The following GRID2 variants were observed in gnomAD, a reference collection of about 807,000 sequenced individuals.
GRID2 encodes glutamate ionotropic receptor delta type subunit 2, also known as glutamate receptor ionotropic, delta-2.
A neutral mutation model predicts 114.8 loss-of-function variants in GRID2; 33 were observed. The observed-to-expected ratio is 0.29, with a 90% CI of 0.22 to 0.38. GRID2 has a LOEUF of 0.38. Ranked by LOEUF, GRID2 falls within the 10% of genes least tolerant of loss-of-function variation. GRID2 has a pLI of 1.00. For synonymous variants in GRID2, 505 were observed against 449.9 expected, an observed-to-expected ratio of 1.12 and a Z score of -1.55; for missense variants, 1,184 against 1,257.7, an observed-to-expected ratio of 0.94 and a Z score of 0.89.
At chr4:93,337,586 T>C (rs750323386) in intron 8 of GRID2, among the ~76,000 whole-genome samples, 1 of 152,178 alleles carries the variant, frequency 6.6e-6, no homozygotes, top group Non-Finnish European at 1.5e-5. Flanking sequence ...AAACCTGTTC[T>C]TTGCTTTGAA....
intron 2 of GRID2, among the ~76,000 whole-genome samples, chr4:93,035,823 T>C (rs1724884533): frequency 6.6e-6 from 1 of 152,194 alleles, no homozygotes; most frequent in Non-Finnish European, 1.5e-5. Context: ...AAGCATGGAC[T>C]CTTTAACCTA....
At chr4:92,664,955 T>C (rs2149271651) in intron 2 of GRID2, among the ~76,000 whole-genome samples, 1 of 150,996 alleles carries the variant, frequency 6.6e-6, no homozygotes, top group African/African-American at 2.4e-5. Context: ...CAGCATATTG[T>C]TGGTTGATTT....
intron 1 of GRID2, among the ~76,000 whole-genome samples, chr4:92,316,192 T>C (rs941123394): frequency 7.9e-5 from 12 of 151,856 alleles, no homozygotes; most frequent in South Asian, 4.2e-4. Context: ...GCTGCTTCTG[T>C]GAATGGAAAT....
intron 13 of GRID2, among the ~76,000 whole-genome samples, chr4:93,589,041 T>TA (rs1469980514): frequency 6.7e-6 from 1 of 148,508 alleles, no homozygotes; most frequent in Non-Finnish European, 1.5e-5. Flanking sequence ...CTTTTTTTTT[T>TA]ATTATTTATT....
chr4:93,286,689 G>A (rs1561086916), intron 8 of GRID2, among the ~76,000 whole-genome samples: 1 of 145,036 alleles, frequency 6.9e-6, no homozygotes, highest in Admixed American at 6.7e-5. Context: ...GTGTGTGTGT[G>A]TGGGGGTGTG....
chr4:93,432,511 GA>G (rs1449829832), intron 10 of GRID2, among the ~76,000 whole-genome samples: 1 of 152,114 alleles, frequency 6.6e-6, no homozygotes, highest in Non-Finnish European at 1.5e-5. Context: ...ACTGAAATAC[GA>G]AAGTTCTAGA....
chr4:93,348,542 A>C (rs1306281397), intron 8 of GRID2, among the ~76,000 whole-genome samples: 1 of 152,152 alleles, frequency 6.6e-6, no homozygotes, highest in Non-Finnish European at 1.5e-5. Flanking sequence ...CATGGCCTTC[A>C]CCTATGCTTT....
intron 1 of GRID2, among the ~76,000 whole-genome samples, chr4:92,379,449 C>G (rs1729511411): frequency 6.6e-6 from 1 of 151,944 alleles, no homozygotes; most frequent in Non-Finnish European, 1.5e-5. Context: ...GTACTTTCAG[C>G]TGTTGTACAT....
At chr4:92,673,628 C>T (rs1044763325) in intron 2 of GRID2, among the ~76,000 whole-genome samples, 1 of 152,138 alleles carries the variant, frequency 6.6e-6, no homozygotes, top group Non-Finnish European at 1.5e-5. Flanking sequence ...ATTTTCCCTG[C>T]ATATGAAATT....
At position 93,769,343 on chromosome 4, in the gene GRID2, G is replaced by T; in HGVS notation, c.2494G>T (p.Ala832Ser). The T allele has an allele frequency of 1.9e-6, 3 of 1,614,044 alleles. No homozygotes were observed. Among genetic ancestry groups the T allele is most frequent in the Non-Finnish European group, 2.5e-6 (3 of 1,179,978 alleles). Reference protein sequence around the residue: ...KGGALDIKSFAGVFCILAAGI... With the variant: ...KGGALDIKSFSGVFCILAAGI... ...AGGCGCCCTGGACATAAAGAGCTTTGCAGGGGTCTTTTGTATCCTGGCTGC... is the reference window on the plus strand; with the variant it reads ...AGGCGCCCTGGACATAAAGAGCTTTTCAGGGGTCTTTTGTATCCTGGCTGC... Residue 832 changes from alanine to serine, a missense_variant, in exon 15 of 16, where the codon GCA (alanine) becomes TCA (serine). Transcript: ENST00000282020.
chr4:93,513,532 T>G (rs192452852), intron 12 of GRID2, among the ~76,000 whole-genome samples: 2 of 152,320 alleles, frequency 1.3e-5, no homozygotes, highest in East Asian at 3.9e-4. Context: ...ATTATTCATT[T>G]ACATTATAGC....
At chr4:92,885,116 A>C (rs916737734) in intron 2 of GRID2, 2 of 314,836 alleles carry the variant, frequency 6.4e-6, no homozygotes, top group Admixed American at 4.6e-5. Flanking sequence ...AATTTAAGTA[A>C]GTTAAACTTG....
At chr4:92,798,230 T>G (rs1739985215) in intron 2 of GRID2, among the ~76,000 whole-genome samples, 1 of 152,052 alleles carries the variant, frequency 6.6e-6, no homozygotes, top group Non-Finnish European at 1.5e-5. Flanking sequence ...AGTCATATTT[T>G]GTAAGACCTT....
chr4:93,473,020 A>C (rs976700337), intron 11 of GRID2, among the ~76,000 whole-genome samples: 3 of 152,218 alleles, frequency 2.0e-5, no homozygotes, highest in Non-Finnish European at 2.9e-5. Flanking sequence ...ATATGTATGC[A>C]ACAGTAGTTT....
intron 10 of GRID2, among the ~76,000 whole-genome samples, chr4:93,454,560 A>G (rs766506790): frequency 6.6e-6 from 1 of 152,064 alleles, no homozygotes; most frequent in Non-Finnish European, 1.5e-5. Flanking sequence ...AACTCGGTAC[A>G]CACAGACATA....
At chr4:93,181,880 A>G (rs1003563794) in intron 4 of GRID2, among the ~76,000 whole-genome samples, 5 of 152,242 alleles carry the variant, frequency 3.3e-5, no homozygotes, top group African/African-American at 1.2e-4. Flanking sequence ...AATATAGTGT[A>G]ACAAACCCTA....
chr4:92,794,876 A>ATT (rs1739778651), intron 2 of GRID2, among the ~76,000 whole-genome samples: 2 of 105,376 alleles, frequency 1.9e-5, no homozygotes, highest in Non-Finnish European at 4.1e-5. Context: ...TAATTGTTTT[A>ATT]TATATATATA....
intron 1 of GRID2, among the ~76,000 whole-genome samples, chr4:92,407,461 C>T (rs1022798784): frequency 5.3e-5 from 8 of 152,142 alleles, no homozygotes; most frequent in Admixed American, 2.0e-4. Flanking sequence ...AGTGGGATTG[C>T]TGTGTCACAT....
chr4:93,040,293 A>G (rs978739265), intron 2 of GRID2, among the ~76,000 whole-genome samples: 1 of 151,942 alleles, frequency 6.6e-6, no homozygotes, highest in Non-Finnish European at 1.5e-5. Context: ...CACAAAAAAA[A>G]AAAAAGAAAG....
Sources: allele counts gnomAD v4.1 joint callset (sites outside exome capture counted in the v4.1 genomes callset), GRCh38; gene constraint gnomAD v4.1.1; transcripts MANE v1.5; gene names NCBI Gene and HGNC (gene_info 2026-07-23, HGNC 2026-07-21).